Variants in DNAH10 observed in about 807,000 individuals in gnomAD.
DNAH10 encodes the protein dynein axonemal heavy chain 10, also known as axonemal beta dynein heavy chain 10.
DNAH10 carries 348 observed loss-of-function variants against 506.6 expected under a neutral mutation model. The ratio of observed to expected loss-of-function variants is 0.69; its 90% CI spans 0.63 to 0.75. DNAH10 has a LOEUF of 0.75. DNAH10 is among the 30% of genes least tolerant of loss of function. The pLI, the probability that DNAH10 is intolerant of heterozygous loss-of-function variation, is 0.00. For synonymous variants in DNAH10, 2,059 were observed against 2,198.6 expected, an observed-to-expected ratio of 0.94 and a Z score of 1.78; for missense variants, 5,179 against 5,787.1, an observed-to-expected ratio of 0.89 and a Z score of 3.41.
rs539824158 is a variant in DNAH10 at position 123,859,903 on chromosome 12, C to T, written c.6749+635C>T. Among the ~76,000 whole-genome samples the T allele has an allele frequency of 2.6e-5, 4 of 152,100 alleles. No individual in the cohort carries two copies. In the South Asian group the frequency reaches 8.3e-4, roughly 32 times the overall value. On this transcript the variant is annotated intron_variant, in intron 38 of 78. Coordinates refer to ENST00000673944, the MANE Select transcript of DNAH10 (RefSeq NM_001372106.1). Reference sequence around the variant, plus strand: ...AAAATTAGCTGGGTGTGGTGATGTGCACCTGTAGTACAGCTACTCAGGAGG... The same window carrying T: ...AAAATTAGCTGGGTGTGGTGATGTGTACCTGTAGTACAGCTACTCAGGAGG...
At chr12:123,895,496 T>A (rs2137204567) in intron 54 of DNAH10, among the ~76,000 whole-genome samples, 1 of 152,336 alleles carries the variant, frequency 6.6e-6, no homozygotes, top group Non-Finnish European at 1.5e-5. Context: ...TGATGATATA[T>A]CTCAGGTCCA....
rs188303501 is a variant in DNAH10 at position 123,923,079 on chromosome 12, T to C, written c.11507-684T>C. On this transcript the variant is annotated intron_variant, in intron 65 of 78. Coordinates refer to ENST00000673944, the MANE Select transcript of DNAH10 (RefSeq NM_001372106.1). ...AACAATTTTTTTTTCCAGGAACACATGTCTTCTGTTAAAAAGCAAAAAAGA... is the reference window on the plus strand; with the variant it reads ...AACAATTTTTTTTTCCAGGAACACACGTCTTCTGTTAAAAAGCAAAAAAGA... The C allele has an allele frequency of 1.4e-4, 22 of 152,224 alleles. 1 individual carries two copies. The highest frequency in any genetic ancestry group is 1.4e-3 in the Admixed American group (21 of 15,292). The allele number at this position is 152,224 out of a possible 1,614,324, so 9.4% of individuals were successfully genotyped here.
intron 65 of DNAH10, among the ~76,000 whole-genome samples, chr12:123,921,954 A>G (rs940531916): frequency 1.3e-5 from 2 of 151,752 alleles, no homozygotes; most frequent in Non-Finnish European, 2.9e-5. Context: ...ATCTCAAGTG[A>G]TCTGCCCACC....
At chr12:123,765,564 T>TCTATATCTATCTATC (rs1555302003) in intron 1 of DNAH10, among the ~76,000 whole-genome samples, 1 of 149,296 alleles carries the variant, frequency 6.7e-6, no homozygotes, top group African/African-American at 2.5e-5. Flanking sequence ...TATCTATACT[T>TCTATATCTATCTATC]TATCTATCTA....
At position 123,933,321 on chromosome 12, in the gene DNAH10, T is replaced by C; in HGVS notation, c.13297-10T>C. 6.5e-7 allele frequency: 1 copy of C among 1,530,594 alleles called. No individual in the cohort carries two copies. Among genetic ancestry groups the C allele is most frequent in the South Asian group, 1.2e-5 (1 of 80,818 alleles). 94.8% of individuals were successfully genotyped at this position (1,530,594 alleles called of 1,614,324 possible). On this transcript the variant is annotated splice_polypyrimidine_tract_variant and intron_variant, in intron 76 of 78. Coordinates refer to ENST00000673944, the MANE Select transcript of DNAH10 (RefSeq NM_001372106.1). ...CCAGGCTCCCAGCACTTGTCCTCTCTTCTCTCCAGGTGACCGAGAGCGAGC... is the reference window on the plus strand; with the variant it reads ...CCAGGCTCCCAGCACTTGTCCTCTCCTCTCTCCAGGTGACCGAGAGCGAGC...
At chr12:123,805,590 G>A (rs887420452) in intron 18 of DNAH10, among the ~76,000 whole-genome samples, 1 of 152,108 alleles carries the variant, frequency 6.6e-6, no homozygotes, top group Non-Finnish European at 1.5e-5. Context: ...TGGGGTGTGA[G>A]GCTGACAGTT....
chr12:123,861,617 C>T (rs770922142), intron 39 of DNAH10, among the ~76,000 whole-genome samples: 3 of 152,228 alleles, frequency 2.0e-5, no homozygotes, highest in African/African-American at 4.8e-5. Context: ...CATCTGTAGA[C>T]GTGGTTGATG....
chr12:123,919,563 G>A lies in DNAH10; in HGVS notation c.11506+614G>A, dbSNP rs751299494. Among the ~76,000 whole-genome samples, 28 of 152,136 alleles carry A rather than the reference G, an allele frequency of 1.8e-4. No homozygotes were observed. The highest frequency in any genetic ancestry group is 1.2e-3 in the South Asian group (6 of 4,810). On this transcript the variant is annotated intron_variant, in intron 65 of 78. Coordinates refer to ENST00000673944, the MANE Select transcript of DNAH10 (RefSeq NM_001372106.1). This position sits in a 1 kb window ranked among gnomAD's most constrained non-coding sequence, Gnocchi z 4.9. ...GCAGCTATCACTACTCTCTGGCTCC[G>A]GAACGTTTCCACCAGCCCCGAAATG...
rs552089507 is a variant in DNAH10, at chr12:123,902,922, C to A, written c.9641-17C>A. 247 of 1,568,574 alleles carry A rather than the reference C, an allele frequency of 1.6e-4. 1 individual carries two copies. Among genetic ancestry groups the A allele is most frequent in the Middle Eastern group, 5.0e-4 (3 of 6,026 alleles). On this transcript the variant is annotated splice_polypyrimidine_tract_variant and intron_variant, in intron 56 of 78. Transcript: ENST00000673944. The surrounding 1 kb of genome is among the most constrained non-coding windows in gnomAD (Gnocchi z 4.5). ...CTCTGAGCCCAAGCTTTACTCACCC[C>A]CTGTCCTACCCTGCAGCCGAGGAGA...
rs1956886191 is a variant in DNAH10, at chr12:123,762,998, G to C, written c.214+448G>C. ...CTGGGTAGAGCCATGCCCAGGTGTGGCAGGGACCCAGGTCACTGTCACTCT... is the reference window on the plus strand; with the variant it reads ...CTGGGTAGAGCCATGCCCAGGTGTGCCAGGGACCCAGGTCACTGTCACTCT... On this transcript the variant is annotated intron_variant, in intron 1 of 78. Coordinates refer to ENST00000673944, the MANE Select transcript of DNAH10 (RefSeq NM_001372106.1). This position sits in a 1 kb window ranked among gnomAD's most constrained non-coding sequence, Gnocchi z 5.0. Among the ~76,000 whole-genome samples the C allele has an allele frequency of 6.6e-6, 1 of 152,168 alleles. No individual in the cohort carries two copies. Among genetic ancestry groups the C allele is most frequent in the African/African-American group, 2.4e-5 (1 of 41,424 alleles).
rs1047964676 is a variant in DNAH10 at position 123,853,161 on chromosome 12, T to C, written c.6292-45T>C. On this transcript the variant is annotated intron_variant, in intron 35 of 78. Transcript: ENST00000673944. The surrounding 1 kb of genome is among the most constrained non-coding windows in gnomAD (Gnocchi z 4.7). ...ATGATGCTCCATTGCTTTTGAATCA[T>C]TTTCTTTTTTCTTTTTTTTTGTATT... 20 of 1,489,440 alleles carry C rather than the reference T, an allele frequency of 1.3e-5. No individual in the cohort carries two copies. The highest frequency in any genetic ancestry group is 1.8e-5 in the Non-Finnish European group (20 of 1,113,112). The allele number at this position is 1,489,440 out of a possible 1,614,324, so 92.3% of individuals were successfully genotyped here. A position where few individuals can be genotyped will look rare whatever the true frequency, so the allele number is the denominator to read the frequency against.
In DNAH10 at chr12:123,897,936, A is replaced by T; in HGVS notation, c.9447A>T (p.Lys3149Asn). Residue 3149 changes from lysine to asparagine, a missense_variant, in exon 55 of 79, where the codon AAA (lysine) becomes AAT (asparagine). By Grantham distance (94) the Lys-to-Asn change is moderately conservative. Coordinates refer to ENST00000673944, the MANE Select transcript of DNAH10 (RefSeq NM_001372106.1). The stretch of plus-strand genomic sequence containing the variant: ...TTGATTTTATTAACACCTATTCAAA[A>T]TTGCTGGATGAGAAAACTCAGTGTA... ...NYLDFINTYS[K>N]LLDEKTQCNI... 1 of 1,597,464 alleles carries T rather than the reference A, an allele frequency of 6.3e-7. No individual in the cohort carries two copies. Among genetic ancestry groups the T allele is most frequent in the Non-Finnish European group, 8.5e-7 (1 of 1,175,346 alleles).
rs774699942 is a variant in DNAH10 at position 123,903,075 on chromosome 12, A to G, written c.9777A>G (p.Glu3259=). ...CCATCCTGGAGGCCGCCAAGCTGGA[A>G]CTGCAGAAGCTGGACAAGTCGGACG... ...VMPILEAAKL[E]LQKLDKSDVT... Residue 3259 remains glutamate, a synonymous_variant, in exon 57 of 79, where the codon GAA becomes GAG. Coordinates refer to ENST00000673944, the MANE Select transcript of DNAH10 (RefSeq NM_001372106.1). The surrounding 1 kb of genome is among the most constrained non-coding windows in gnomAD (Gnocchi z 4.6). 6.2e-6 allele frequency: 10 copies of G among 1,611,966 alleles called. No individual in the cohort carries two copies. The Admixed American group carries it at 8.4e-5, about 13-fold the overall frequency.
At chr12:123,786,316 C>CA (rs1219423980) in intron 9 of DNAH10, among the ~76,000 whole-genome samples, 67 of 115,946 alleles carry the variant, frequency 5.8e-4, no homozygotes, top group East Asian at 1.2e-3. Context: ...GATTCTGTCT[C>CA]AAAAAAAAAA....
chr12:123,855,602 C>A (rs1398996940), intron 36 of DNAH10, among the ~76,000 whole-genome samples: 2 of 148,894 alleles, frequency 1.3e-5, no homozygotes, highest in African/African-American at 2.5e-5. Context: ...CTATTACACT[C>A]CAGCCTGGGT....
At chr12:123,930,265 A>T in intron 72 of DNAH10, 137 bp from the exon 73 acceptor site, 1 of 783,536 alleles carries the variant, frequency 1.3e-6, no homozygotes, top group Non-Finnish European at 1.9e-6. Flanking sequence ...AAGGTTATGC[A>T]AGTCAACAGG....
intron 54 of DNAH10, among the ~76,000 whole-genome samples, chr12:123,897,472 C>G (rs973477663): frequency 2.0e-5 from 3 of 152,148 alleles, no homozygotes; most frequent in African/African-American, 7.2e-5. Context: ...GCCTGTAATC[C>G]CAGCACTTTG....
Position 123,857,206 on chromosome 12 carries a change from C to G in DNAH10, c.6589C>G (p.Gln2197Glu), listed in dbSNP as rs201563311. ...CCCTGACTTCAACGATGCGGTAGAG[C>G]AGGTCCTGGAGGAGAACGGCTACGC... Reference protein sequence around the residue: ...RYPDFNDAVEQVLEENGYAVL... With the variant: ...RYPDFNDAVEEVLEENGYAVL... Residue 2197 changes from glutamine to glutamate, a missense_variant, in exon 37 of 79, where the codon CAG becomes GAG. By Grantham distance (29) the Gln-to-Glu change is conservative (BLOSUM62 2). Around this residue, in one of 3 missense-constraint regions of DNAH10, gnomAD observed 4,844 missense variants for 5,430.5 expected, o/e 0.89. Transcript: ENST00000673944. 169 of 1,605,878 alleles carry G rather than the reference C, an allele frequency of 1.1e-4. No homozygotes were observed. Among genetic ancestry groups the G allele is most frequent in the Non-Finnish European group, 1.3e-4 (155 of 1,176,132 alleles).
intron 1 of DNAH10, among the ~76,000 whole-genome samples, chr12:123,765,585 T>TATCTATCTATCTATCTATCTATCTATCTA (rs1555302053): frequency 1.8e-4 from 27 of 152,114 alleles, no homozygotes; most frequent in African/African-American, 6.5e-4. Context: ...TCTATCTATC[T>TATCTATCTATCTATCTATCTATCTATCTA]ATCTATCTAT....
Sources: allele counts gnomAD v4.1 joint callset (sites outside exome capture counted in the v4.1 genomes callset), GRCh38; gene constraint gnomAD v4.1.1; regional missense constraint gnomAD v4.1.1; non-coding constraint Gnocchi (gnomAD v3.1); transcripts MANE v1.5; gene names NCBI Gene and HGNC (gene_info 2026-07-23, HGNC 2026-07-21).